The following KCNH7 variants were observed in gnomAD, a reference collection of about 807,000 sequenced individuals.
KCNH7 encodes the protein voltage-gated inwardly rectifying potassium channel KCNH7.
A neutral mutation model predicts 120.8 loss-of-function variants in KCNH7; 49 were observed. The ratio of observed to expected loss-of-function variants is 0.41; its 90% CI spans 0.32 to 0.51. The LOEUF is 0.51. Among genes scored for constraint, KCNH7 ranks in the 20% least tolerant of loss-of-function variants. KCNH7 has a pLI of 0.38. For synonymous variants in KCNH7, 547 were observed against 516.1 expected (o/e 1.06, Z -0.81); for missense variants, 1,097 against 1,446.6 (o/e 0.76, Z 3.92).
At chr2:162,380,790 G>C (rs1686390778) in intron 13 of KCNH7, among the ~76,000 whole-genome samples, 1 of 152,010 alleles carries the variant, frequency 6.6e-6, no homozygotes, top group Non-Finnish European at 1.5e-5. Context: ...CAGACACCTT[G>C]GTAAATACGG....
chr2:162,448,291 T>C (rs1013922703), intron 6 of KCNH7, among the ~76,000 whole-genome samples: 5 of 152,078 alleles, frequency 3.3e-5, no homozygotes, highest in Admixed American at 1.3e-4. Context: ...AAAGGAAATA[T>C]GTCATGTTCC....
chr2:162,743,027 T>C (rs1160058151), intron 2 of KCNH7, among the ~76,000 whole-genome samples: 1 of 152,212 alleles, frequency 6.6e-6, no homozygotes, highest in African/African-American at 2.4e-5. Flanking sequence ...TTGTCAGCCA[T>C]ATTTGGTGCT....
At chr2:162,733,333 A>T (rs1687792563) in intron 2 of KCNH7, among the ~76,000 whole-genome samples, 1 of 152,102 alleles carries the variant, frequency 6.6e-6, no homozygotes. Flanking sequence ...TATTTGTTAA[A>T]CCCCTCCCTA....
At chr2:162,622,192 T>C (rs2105197034) in intron 2 of KCNH7, among the ~76,000 whole-genome samples, 1 of 152,310 alleles carries the variant, frequency 6.6e-6, no homozygotes, top group South Asian at 2.1e-4. Flanking sequence ...CCAGAGGAGC[T>C]GTGCCTTGCT....
intron 2 of KCNH7, among the ~76,000 whole-genome samples, chr2:162,751,042 C>A (rs66982638): frequency 6.6e-6 from 1 of 151,854 alleles, no homozygotes; most frequent in Non-Finnish European, 1.5e-5. Flanking sequence ...CAACAACAAC[C>A]GACTATTTCC....
chr2:162,685,391 A>G (rs1441414584), intron 2 of KCNH7, among the ~76,000 whole-genome samples: 2 of 152,086 alleles, frequency 1.3e-5, no homozygotes, highest in African/African-American at 4.8e-5. Flanking sequence ...ACTTAGCATT[A>G]TACTTAAGAG....
intron 2 of KCNH7, among the ~76,000 whole-genome samples, chr2:162,548,648 G>A (rs1426539198): frequency 1.3e-5 from 2 of 152,084 alleles, no homozygotes; most frequent in African/African-American, 2.4e-5. Flanking sequence ...GAGAGGCTGT[G>A]TAATGTAGAG....
chr2:162,482,215 T>A (rs1470000737), intron 6 of KCNH7, among the ~76,000 whole-genome samples: 1 of 152,170 alleles, frequency 6.6e-6, no homozygotes, highest in Non-Finnish European at 1.5e-5. Context: ...ATGAGAAGGC[T>A]TTGATATATA....
intron 3 of KCNH7, among the ~76,000 whole-genome samples, chr2:162,528,566 C>T (rs1691796398): frequency 6.6e-6 from 1 of 151,840 alleles, no homozygotes; most frequent in Non-Finnish European, 1.5e-5. Flanking sequence ...GGAACCCGCA[C>T]TAAAATATGG....
Position 162,836,745 on chromosome 2 carries a change from A to G in KCNH7, c.99T>C (p.Asn33=), listed in dbSNP as rs1342311853. The G allele has an allele frequency of 1.2e-6, 2 of 1,613,722 alleles. No individual in the cohort carries two copies. Among genetic ancestry groups the G allele is most frequent in the African/African-American group, 2.7e-5 (2 of 75,016 alleles). Residue 33 remains asparagine (N), a synonymous_variant, in exon 2 of 16, where the codon AAT becomes AAC. Coordinates refer to ENST00000332142, the MANE Select transcript of KCNH7 (RefSeq NM_033272.4). ...TGATGGCACAGTTCTGCACTCTGGCATTTGCAATGATAAATTTTTTATCTG... is the reference window on the plus strand; with the variant it reads ...TGATGGCACAGTTCTGCACTCTGGCGTTTGCAATGATAAATTTTTTATCTG... ...EGQNKKFIIA[N]ARVQNCAIIY... is the part of the protein sequence containing the mutation.
intron 7 of KCNH7, 66 bp downstream of exon 7, chr2:162,445,952 A>G: frequency 7.9e-7 from 1 of 1,257,924 alleles, no homozygotes; most frequent in Non-Finnish European, 1.1e-6. Flanking sequence ...TTCTTTTTGC[A>G]GTTAAAATAG....
At chr2:162,748,805 T>C (rs1688409087) in intron 2 of KCNH7, among the ~76,000 whole-genome samples, 1 of 149,052 alleles carries the variant, frequency 6.7e-6, no homozygotes, top group African/African-American at 2.5e-5. Context: ...CTAACAGACA[T>C]ATCTTTAATC....
At chr2:162,416,675 G>C (rs903506768) in intron 9 of KCNH7, among the ~76,000 whole-genome samples, 2 of 152,112 alleles carry the variant, frequency 1.3e-5, no homozygotes, top group African/African-American at 4.8e-5. Context: ...ACAGAAGAGA[G>C]GGAAGAATGA....
chr2:162,645,010 T>G (rs563849784), intron 2 of KCNH7, among the ~76,000 whole-genome samples: 1 of 152,314 alleles, frequency 6.6e-6, no homozygotes, highest in East Asian at 1.9e-4. Flanking sequence ...CCTACTTATA[T>G]TTAACTAGTG....
chr2:162,647,085 C>T (rs1684387122), intron 2 of KCNH7, among the ~76,000 whole-genome samples: 1 of 152,116 alleles, frequency 6.6e-6, no homozygotes, highest in Admixed American at 6.6e-5. Flanking sequence ...TGTGGACTTC[C>T]CAGGGCCATG....
chr2:162,634,813 C>T (rs1683898714), intron 2 of KCNH7, among the ~76,000 whole-genome samples: 1 of 152,040 alleles, frequency 6.6e-6, no homozygotes, highest in Admixed American at 6.6e-5. Context: ...AAATATAAGA[C>T]TATTTTTCTT....
At chr2:162,773,664 G>T (rs1282841295) in intron 2 of KCNH7, among the ~76,000 whole-genome samples, 2 of 151,766 alleles carry the variant, frequency 1.3e-5, no homozygotes, top group Non-Finnish European at 2.9e-5. Context: ...AAGAAAAAAA[G>T]TGTAAAACTC....
At chr2:162,768,000 A>G (rs962310478) in intron 2 of KCNH7, among the ~76,000 whole-genome samples, 1 of 152,182 alleles carries the variant, frequency 6.6e-6, no homozygotes, top group Non-Finnish European at 1.5e-5. Flanking sequence ...AAATTAAACA[A>G]TTTCATCACA....
At chr2:162,464,995 T>C (rs1415072163) in intron 6 of KCNH7, among the ~76,000 whole-genome samples, 1 of 152,110 alleles carries the variant, frequency 6.6e-6, no homozygotes, top group Non-Finnish European at 1.5e-5. Context: ...ACTATTTTTC[T>C]CTACCATGAT....
Sources: gnomAD v4.1 joint callset for allele counts (sites outside exome capture counted in the v4.1 genomes callset) on GRCh38, gnomAD v4.1.1 for gene constraint, MANE v1.5 for transcripts, NCBI Gene and HGNC (gene_info 2026-07-23, HGNC 2026-07-21) for gene names.